ZZEF1: variants seen among roughly 807,000 people sequenced by gnomAD.
ZZEF1 encodes the protein zinc finger ZZ-type and EF-hand domain-containing protein 1.
ZZEF1 carries 157 observed loss-of-function variants against 342.8 expected under a neutral mutation model. The ratio of observed to expected loss-of-function variants is 0.46; its 90% CI spans 0.40 to 0.52. The LOEUF is 0.52. ZZEF1 is among the 20% of genes least tolerant of loss of function. ZZEF1 has a pLI of 0.00. For missense variants in ZZEF1, 3,480 were observed against 3,725.6 expected (o/e 0.93, Z 1.72); for synonymous variants, 1,505 against 1,429.1 (o/e 1.05, Z -1.20).
intron 10 of ZZEF1, 84 bp from the exon 11 acceptor site, chr17:4,096,063 A>ATGCT: frequency 7.0e-7 from 1 of 1,423,348 alleles, no homozygotes; most frequent in African/African-American, 1.4e-5. Flanking sequence ...AAATTCAAAC[A>ATGCT]GGTTAAAACA....
chr17:4,037,646 C>T (rs1160427977), intron 39 of ZZEF1, among the ~76,000 whole-genome samples: 3 of 152,188 alleles, frequency 2.0e-5, no homozygotes, highest in African/African-American at 7.2e-5. Flanking sequence ...TGCAGAGGTG[C>T]AACCTTGGCT....
chr17:4,102,352 G>A lies in ZZEF1; in HGVS notation c.1637C>T (p.Pro546Leu). ...CCACGGTTCAACAAGGAGGTTTTCG[G>A]GTCCAGACTTATCTTCTTTTCCTTT... ...DVKGKEDKSG[P>L]ENLLVEPWTR... Residue 546 changes from proline to leucine, a missense_variant, in exon 9 of 55, where the codon CCC (proline) becomes CTC (leucine). Transcript: ENST00000381638. The A allele has an allele frequency of 6.2e-7, 1 of 1,613,902 alleles. No homozygotes were observed.
chr17:4,037,369 C>T (rs2056696226), intron 39 of ZZEF1, among the ~76,000 whole-genome samples: 1 of 152,204 alleles, frequency 6.6e-6, no homozygotes, highest in Non-Finnish European at 1.5e-5. Context: ...TGCAGCATCT[C>T]ATCTGTGATT....
At position 4,025,054 on chromosome 17, in the gene ZZEF1, C is replaced by T. The variant is rs778303903; in HGVS notation, c.6957G>A (p.Leu2319=). The stretch of plus-strand genomic sequence containing the variant: ...AGGCAAAGTGCTGGGAGTACTGGCT[C>T]AGCTGGGCCCGAGAGTCACCACACT... The part of the protein sequence containing the change: ...GQECGDSRAQ[L]SQYSQHFAFI... The change falls in exon 43 of 55, where the codon CTG becomes CTA. Residue 2319 remains leucine, a synonymous_variant. Transcript: ENST00000381638. 2.2e-5 allele frequency: 36 copies of T among 1,614,190 alleles called. 1 individual carries two copies. The South Asian group carries it at 4.0e-4, about 18-fold the overall frequency.
intron 2 of ZZEF1, among the ~76,000 whole-genome samples, chr17:4,121,145 C>T (rs2058476032): frequency 1.3e-5 from 2 of 152,162 alleles, no homozygotes; most frequent in African/African-American, 2.4e-5. Flanking sequence ...ATCTCATCCC[C>T]CATTTCAGCA....
At chr17:4,126,595 G>C (rs1210752807) in intron 1 of ZZEF1, among the ~76,000 whole-genome samples, 1 of 152,322 alleles carries the variant, frequency 6.6e-6, no homozygotes, top group East Asian at 1.9e-4. Flanking sequence ...GGCCCAAAAA[G>C]ACTTAGGGGC....
At chr17:4,058,244 A>G (rs997305136) in intron 31 of ZZEF1, 89 bp from the exon 32 acceptor site, 13 of 1,410,346 alleles carry the variant, frequency 9.2e-6, no homozygotes, top group East Asian at 7.5e-5. Flanking sequence ...CTGGTTTGCA[A>G]TTGAAAGCAG....
At chr17:4,009,215 A>C (rs1185745500) in intron 53 of ZZEF1, 1 of 574,494 alleles carries the variant, frequency 1.7e-6, no homozygotes, top group East Asian at 2.9e-5. Context: ...CATGTGTGAA[A>C]GGAGAGGGAA....
rs759052473 is a variant in ZZEF1, at chr17:4,064,528, C to A, written c.4551G>T (p.Leu1517Phe). ...DVSPATAEEP[L>F]SPSTPTRRPP... is the part of the protein sequence containing the mutation. The stretch of plus-strand genomic sequence containing the variant: ...GCCGGCGGGTGGGTGTGGAAGGTGA[C>A]AAGGGCTCTTCAGCTGTGGCAGGGG... The change falls in exon 29 of 55, where the codon TTG becomes TTT. Residue 1517 changes from leucine (L) to phenylalanine (F), a missense_variant. By Grantham distance (22) the Leu-to-Phe change is conservative (BLOSUM62 0). This residue lies in a region of ZZEF1 where 1,528 missense variants were observed against 1,624.1 expected (regional missense o/e 0.94). Coordinates refer to ENST00000381638, the MANE Select transcript of ZZEF1 (RefSeq NM_015113.4). The A allele has an allele frequency of 1.4e-5, 22 of 1,614,050 alleles. No individual in the cohort carries two copies. The African/African-American group carries it at 2.8e-4, about 21-fold the overall frequency.
intron 46 of ZZEF1, among the ~76,000 whole-genome samples, chr17:4,018,786 G>A (rs147430118): frequency 1.8e-4 from 27 of 152,232 alleles, no homozygotes; most frequent in African/African-American, 6.0e-4. Context: ...CAGTGCAGGT[G>A]AGCGAGGTGG....
chr17:4,131,787 AG>A (rs1224928905), intron 1 of ZZEF1, among the ~76,000 whole-genome samples: 5 of 152,154 alleles, frequency 3.3e-5, no homozygotes, highest in East Asian at 1.9e-4. Flanking sequence ...TCAAAAAAAA[AG>A]AAAAACAAAA....
At chr17:4,019,614 G>T in intron 46 of ZZEF1, 55 bp downstream of exon 46, 1 of 1,504,778 alleles carries the variant, frequency 6.6e-7, no homozygotes. Flanking sequence ...ACACCCTCCC[G>T]CCCTCACATA....
In ZZEF1 at chr17:4,096,598, A is replaced by C. The variant is rs111724854; in HGVS notation, c.1764+11T>G. On this transcript the variant is annotated intron_variant, in intron 10 of 54. Transcript: ENST00000381638. ...AGTAACATTGCTTAAAGAAGGTAGCACGAAAATTACCATAATTCTTATCTG... is the reference window on the plus strand; with the variant it reads ...AGTAACATTGCTTAAAGAAGGTAGCCCGAAAATTACCATAATTCTTATCTG... 8.1e-6 allele frequency: 13 copies of C among 1,611,898 alleles called. No homozygotes were observed. The Admixed American group carries it at 8.3e-5, about 10-fold the overall frequency.
intron 1 of ZZEF1, among the ~76,000 whole-genome samples, chr17:4,125,648 T>A (rs35571432): frequency 0.074 from 11,333 of 152,244 alleles, 589 homozygotes; most frequent in East Asian, 0.11. Flanking sequence ...CTTTTTCTAC[T>A]CTGACTAGAC....
chr17:4,019,965 C>T, intron 45 of ZZEF1, 196 bp from the exon 46 acceptor site: 1 of 472,000 alleles, frequency 2.1e-6, no homozygotes, highest in Non-Finnish European at 3.7e-6. Flanking sequence ...TACACTACGA[C>T]TGTAACTTCA....
chr17:4,016,507 G>A lies in ZZEF1; in HGVS notation c.8002-41C>T, dbSNP rs1254969189. ...CAGATAAGGTCAGGGCCTGCAAGTG[G>A]CATCAGGAAGAAGGGACAGTTTACT... On this transcript the variant is annotated intron_variant, in intron 48 of 54. Transcript: ENST00000381638. This position sits in a 1 kb window ranked among gnomAD's most constrained non-coding sequence, Gnocchi z 4.4. 6.4e-7 allele frequency: 1 copy of A among 1,572,438 alleles called. No individual in the cohort carries two copies. Among genetic ancestry groups the A allele is most frequent in the Non-Finnish European group, 8.6e-7 (1 of 1,166,696 alleles).
chr17:4,036,230 G>C (rs2056659853), intron 39 of ZZEF1, among the ~76,000 whole-genome samples: 1 of 152,172 alleles, frequency 6.6e-6, no homozygotes, highest in South Asian at 2.1e-4. Context: ...CTTTAAATCA[G>C]GGTTTCTCAA....
intron 19 of ZZEF1, among the ~76,000 whole-genome samples, 200 bp downstream of exon 19, chr17:4,077,683 C>G (rs1255420142): frequency 6.6e-6 from 1 of 152,118 alleles, no homozygotes; most frequent in Non-Finnish European, 1.5e-5. Flanking sequence ...CTTAGGCATA[C>G]CACCACACTC....
At chr17:4,108,341 T>G (rs1322152844) in intron 6 of ZZEF1, among the ~76,000 whole-genome samples, 1 of 151,924 alleles carries the variant, frequency 6.6e-6, no homozygotes, top group Non-Finnish European at 1.5e-5. Flanking sequence ...CAATAAAACA[T>G]CAAATAAACC....
Sources: allele counts gnomAD v4.1 joint callset (sites outside exome capture counted in the v4.1 genomes callset), GRCh38; gene constraint gnomAD v4.1.1; regional missense constraint gnomAD v4.1.1; non-coding constraint Gnocchi (gnomAD v3.1); transcripts MANE v1.5; gene names NCBI Gene and HGNC (gene_info 2026-07-23, HGNC 2026-07-21).